HS3ST4: variants seen among roughly 807,000 people sequenced by gnomAD.
HS3ST4 encodes heparan sulfate-glucosamine 3-sulfotransferase 4.
A neutral mutation model predicts 29.2 loss-of-function variants in HS3ST4; 17 were observed. That is an observed-to-expected ratio of 0.58 (90% CI 0.40 to 0.87). HS3ST4 has a LOEUF of 0.87. Among genes scored for constraint, HS3ST4 ranks in the 40% least tolerant of loss-of-function variants. The pLI, the probability that HS3ST4 is intolerant of heterozygous loss-of-function variation, is 0.00. For synonymous variants in HS3ST4, 314 were observed against 285.7 expected (o/e 1.10, Z -1.00); for missense variants, 627 against 634.5 (o/e 0.99, Z 0.13).
chr16:25,726,031 A>G (rs776261546), intron 1 of HS3ST4, among the ~76,000 whole-genome samples: 1 of 152,200 alleles, frequency 6.6e-6, no homozygotes, highest in African/African-American at 2.4e-5. Context: ...CATGCTTACT[A>G]TGAATAATGG....
intron 1 of HS3ST4, among the ~76,000 whole-genome samples, chr16:25,965,986 G>A (rs1968838522): frequency 6.6e-6 from 1 of 152,084 alleles, no homozygotes; most frequent in Admixed American, 6.6e-5. Context: ...GCCCCATGTT[G>A]TTTAATTTAA....
intron 1 of HS3ST4, among the ~76,000 whole-genome samples, chr16:25,742,207 G>T (rs979597655): frequency 6.6e-6 from 1 of 152,152 alleles, no homozygotes; most frequent in Non-Finnish European, 1.5e-5. Context: ...CCTTGACACT[G>T]CTTTTTGTCA....
rs140172828 is a variant in HS3ST4 at position 25,724,523 on chromosome 16, C to T, written c.734+31372C>T. Among the ~76,000 whole-genome samples the T allele has an allele frequency of 2.5e-3, 382 of 152,162 alleles. 1 individual carries two copies. Among genetic ancestry groups the T allele is most frequent in the Middle Eastern group, 0.014 (4 of 292 alleles). ...GGACTACAGGTGTGCACCACCACGCCTGGCTCATTTTTGTATTTTTAGTAG... is the reference window on the plus strand; with the variant it reads ...GGACTACAGGTGTGCACCACCACGCTTGGCTCATTTTTGTATTTTTAGTAG... On this transcript the variant is annotated intron_variant, in intron 1 of 1. Transcript: ENST00000331351.
intron 1 of HS3ST4, among the ~76,000 whole-genome samples, chr16:26,128,117 TCTC>T (rs1313821971): frequency 6.6e-6 from 1 of 152,128 alleles, no homozygotes; most frequent in Non-Finnish European, 1.5e-5. Context: ...TTCCTTTCTG[TCTC>T]CTCTCTCGTA....
chr16:26,020,480 G>A (rs916774920), intron 1 of HS3ST4, among the ~76,000 whole-genome samples: 4 of 152,224 alleles, frequency 2.6e-5, no homozygotes, highest in African/African-American at 4.8e-5. Context: ...GCAGCGCTGT[G>A]ACAGCCGGAG....
At chr16:26,062,078 A>C (rs1898482689) in intron 1 of HS3ST4, among the ~76,000 whole-genome samples, 1 of 152,170 alleles carries the variant, frequency 6.6e-6, no homozygotes, top group East Asian at 1.9e-4. Context: ...TTCTACCTGA[A>C]GTATGTGGGC....
At chr16:25,833,405 G>A (rs1967325730) in intron 1 of HS3ST4, among the ~76,000 whole-genome samples, 1 of 152,096 alleles carries the variant, frequency 6.6e-6, no homozygotes, top group Non-Finnish European at 1.5e-5. Context: ...TTATTGAACG[G>A]CTCTAAACCT....
At chr16:26,068,405 C>A (rs1898565256) in intron 1 of HS3ST4, among the ~76,000 whole-genome samples, 1 of 152,120 alleles carries the variant, frequency 6.6e-6, no homozygotes, top group African/African-American at 2.4e-5. Context: ...ATCTTAGGAT[C>A]AATAAAATAG....
intron 1 of HS3ST4, among the ~76,000 whole-genome samples, chr16:25,770,081 C>A (rs57650840): frequency 0.034 from 5,211 of 152,154 alleles, 268 homozygotes; most frequent in African/African-American, 0.12. Flanking sequence ...CAGTAAAGAT[C>A]GTGGGACCGA....
intron 1 of HS3ST4, among the ~76,000 whole-genome samples, chr16:25,815,490 A>G (rs1967084597): frequency 6.6e-6 from 1 of 152,006 alleles, no homozygotes; most frequent in Admixed American, 6.6e-5. Context: ...TGCCCAGCTA[A>G]TTTTTGTACT....
At chr16:25,986,467 C>T (rs1432196868) in intron 1 of HS3ST4, among the ~76,000 whole-genome samples, 1 of 152,192 alleles carries the variant, frequency 6.6e-6, no homozygotes, top group Non-Finnish European at 1.5e-5. Flanking sequence ...CAGGGAAGGC[C>T]TGAAGCGTGA....
intron 1 of HS3ST4, among the ~76,000 whole-genome samples, chr16:25,970,761 TC>T (rs1305854827): frequency 6.6e-6 from 1 of 152,154 alleles, no homozygotes; most frequent in Non-Finnish European, 1.5e-5. Context: ...CAAGTGATCC[TC>T]CTGCCTTCAC....
intron 1 of HS3ST4, among the ~76,000 whole-genome samples, chr16:25,977,625 A>T (rs796282680): frequency 1.6e-4 from 25 of 152,342 alleles, no homozygotes; most frequent in African/African-American, 5.8e-4. Flanking sequence ...AATGATTTTG[A>T]AAACCCTGTT....
rs571408962 is a variant in HS3ST4, at chr16:25,733,659, T to C, written c.734+40508T>C. ...TTGGATTCTGTCCTGTCCCCTGCCCTGTCCCAAATTTGCTGTATGAATCTG... is the reference window on the plus strand; with the variant it reads ...TTGGATTCTGTCCTGTCCCCTGCCCCGTCCCAAATTTGCTGTATGAATCTG... On this transcript the variant is annotated intron_variant, in intron 1 of 1. Coordinates refer to ENST00000331351, the MANE Select transcript of HS3ST4 (RefSeq NM_006040.3). Among the ~76,000 whole-genome samples the C allele has an allele frequency of 8.5e-5, 13 of 152,286 alleles. No homozygotes were observed. The East Asian group carries it at 2.5e-3, about 29-fold the overall frequency.
intron 1 of HS3ST4, among the ~76,000 whole-genome samples, chr16:25,808,685 A>G (rs892339793): frequency 4.6e-5 from 7 of 152,190 alleles, no homozygotes; most frequent in South Asian, 2.1e-4. Context: ...CAGTAAATCT[A>G]TAGATCACTA....
intron 1 of HS3ST4, among the ~76,000 whole-genome samples, chr16:26,011,420 C>A (rs142490184): frequency 3.4e-4 from 52 of 152,192 alleles, no homozygotes; most frequent in African/African-American, 1.2e-3. Context: ...ATTAGCCAGG[C>A]GTGGTGGCAC....
intron 1 of HS3ST4, among the ~76,000 whole-genome samples, chr16:25,807,353 A>AT (rs1966999942): frequency 6.6e-6 from 1 of 152,124 alleles, no homozygotes. Context: ...CTATGAATCT[A>AT]TTTTCAATTT....
intron 1 of HS3ST4, among the ~76,000 whole-genome samples, chr16:25,986,667 A>G (rs906507540): frequency 1.3e-5 from 2 of 152,242 alleles, no homozygotes; most frequent in African/African-American, 4.8e-5. Context: ...TCAAAAGCAA[A>G]TTAGCCGAGG....
chr16:25,854,739 T>A (rs944015594), intron 1 of HS3ST4, among the ~76,000 whole-genome samples: 3 of 151,974 alleles, frequency 2.0e-5, no homozygotes, highest in Admixed American at 1.3e-4. Flanking sequence ...TCCACTGTTA[T>A]TTTACTGGAG....
Sources: gnomAD v4.1 joint callset for allele counts (sites outside exome capture counted in the v4.1 genomes callset) on GRCh38, gnomAD v4.1.1 for gene constraint, MANE v1.5 for transcripts, NCBI Gene and HGNC (gene_info 2026-07-23, HGNC 2026-07-21) for gene names.